The following DGKH variants were observed in gnomAD, a reference collection of about 807,000 sequenced individuals.
DGKH encodes diacylglycerol kinase eta.
Under a neutral mutation model 159.3 loss-of-function variants are expected in DGKH, and 90 were observed. That is an observed-to-expected ratio of 0.57 (90% CI 0.48 to 0.67). The LOEUF is 0.67. DGKH is among the 30% of genes least tolerant of loss of function. The pLI is 0.00. For missense variants in DGKH, 1,181 were observed against 1,506.1 expected, an observed-to-expected ratio of 0.78 and a Z score of 3.57; for synonymous variants, 536 against 553.8, an observed-to-expected ratio of 0.97 and a Z score of 0.45.
At chr13:42,107,740 G>T (rs372265332) in intron 1 of DGKH, among the ~76,000 whole-genome samples, 1 of 151,988 alleles carries the variant, frequency 6.6e-6, no homozygotes, top group Non-Finnish European at 1.5e-5. Context: ...AGGACAGATC[G>T]TAGACAGGCA....
intron 7 of DGKH, among the ~76,000 whole-genome samples, chr13:42,164,959 C>CA (rs1956276194): frequency 6.6e-6 from 1 of 152,086 alleles, no homozygotes; most frequent in Non-Finnish European, 1.5e-5. Context: ...ATTTTATGGG[C>CA]AATGATATTG....
downstream of DGKH, among the ~76,000 whole-genome samples, chr13:42,244,900 T>G (rs1409120601): frequency 6.0e-5 from 3 of 49,762 alleles, no homozygotes; most frequent in Non-Finnish European, 9.5e-5. Context: ...CGAGACTCCG[T>G]CTCAAAAAAA....
At position 42,048,772 on chromosome 13, in the gene DGKH, G is replaced by C. The variant is rs958117078; in HGVS notation, c.-2G>C. ...GCTGTGTCCCCGCAGGAGTCGGAGA[G>C]GATGGCAGGGGCCGGAGGCCAGCAC... is the stretch of plus-strand genomic sequence containing the variant. On this transcript the variant is annotated 5_prime_UTR_variant, in exon 1 of 30. Transcript: ENST00000337343. This position sits in a 1 kb window ranked among gnomAD's most constrained non-coding sequence, Gnocchi z 6.7. The C allele has an allele frequency of 1.5e-5, 20 of 1,294,446 alleles. No homozygotes were observed. In the African/African-American group the frequency reaches 3.0e-4, roughly 19 times the overall value. 80.2% of individuals were successfully genotyped at this position (1,294,446 alleles called of 1,614,324 possible).
At chr13:42,134,244 A>G (rs188302152) in intron 3 of DGKH, among the ~76,000 whole-genome samples, 7 of 152,174 alleles carry the variant, frequency 4.6e-5, no homozygotes, top group Admixed American at 6.5e-5. Context: ...TTGGTATTCA[A>G]TTGGTATGAA....
chr13:42,059,410 C>G (rs879663799), intron 1 of DGKH, among the ~76,000 whole-genome samples: 3 of 151,876 alleles, frequency 2.0e-5, no homozygotes, highest in Non-Finnish European at 4.4e-5. Context: ...CCACTGTGTC[C>G]TGCTAATTAT....
At chr13:42,100,937 T>C (rs1954640459) in intron 1 of DGKH, among the ~76,000 whole-genome samples, 1 of 152,244 alleles carries the variant, frequency 6.6e-6, no homozygotes, top group Non-Finnish European at 1.5e-5. Flanking sequence ...CACAAAATGC[T>C]CTGTGGCCTT....
At chr13:42,217,988 T>C (rs1957847685) in intron 26 of DGKH, among the ~76,000 whole-genome samples, 1 of 152,156 alleles carries the variant, frequency 6.6e-6, no homozygotes, top group South Asian at 2.1e-4. Context: ...GAGCTGAGAT[T>C]GCGCCATTGC....
At chr13:42,160,373 C>G (rs1015236718) in intron 7 of DGKH, among the ~76,000 whole-genome samples, 1 of 152,156 alleles carries the variant, frequency 6.6e-6, no homozygotes, top group Non-Finnish European at 1.5e-5. Context: ...GGATCTCTTA[C>G]CCATAGTTGT....
At chr13:42,041,538 A>G (rs1880506882) in intron 1 of DGKH, among the ~76,000 whole-genome samples, 1 of 152,206 alleles carries the variant, frequency 6.6e-6, no homozygotes, top group East Asian at 1.9e-4. Flanking sequence ...TTTAGGAACC[A>G]AGAGTAGTGT....
chr13:42,152,878 G>A (rs887794552), intron 3 of DGKH, among the ~76,000 whole-genome samples: 1 of 152,162 alleles, frequency 6.6e-6, no homozygotes, highest in Non-Finnish European at 1.5e-5. Flanking sequence ...GGGAGCACAT[G>A]GGCCAGCAGG....
intron 13 of DGKH, among the ~76,000 whole-genome samples, chr13:42,182,169 G>A (rs1212331778): frequency 6.6e-6 from 1 of 152,266 alleles, no homozygotes; most frequent in Non-Finnish European, 1.5e-5. Flanking sequence ...GGCCATGCTG[G>A]AGGTGCAGCT....
chr13:42,087,107 AAT>A lies in DGKH; in HGVS notation c.192+38143_192+38144del, dbSNP rs1566093861. ...CACCTCAGAACAGAGTAGGCACAAC[AAT>A]CCTTGAAGCTCATACAGAACTAGGA... is the stretch of plus-strand genomic sequence containing the variant. On this transcript the variant is annotated intron_variant, in intron 1 of 29. Transcript: ENST00000337343. Among the ~76,000 whole-genome samples the A allele has an allele frequency of 4.3e-3, 609 of 141,758 alleles. 5 individuals are homozygous for A. The highest frequency in any genetic ancestry group is 0.015 in the African/African-American group (589 of 38,280). 93.0% of individuals were successfully genotyped at this position (141,758 alleles called of 152,430 possible). A position where few individuals can be genotyped will look rare whatever the true frequency, so the allele number is the denominator to read the frequency against.
At chr13:42,040,250 G>A (rs1204712861) in intron 1 of DGKH, 1 of 152,258 alleles carries the variant, frequency 6.6e-6, no homozygotes, top group East Asian at 1.9e-4. Context: ...GCGAGAGCGA[G>A]AGACAGGGGC....
chr13:42,228,730 AAG>A (rs1463712774), intron 29 of DGKH, among the ~76,000 whole-genome samples: 4 of 151,886 alleles, frequency 2.6e-5, no homozygotes, highest in Admixed American at 6.6e-5. Flanking sequence ...AAAAGAAAGA[AAG>A]AGAAAGAAAG....
At position 42,235,779 on chromosome 13, in the gene DGKH, C is replaced by T. The variant is rs1279630424; in HGVS notation, c.*6591C>T. ...TAAATTCAAGTAATATATTTATCTA[C>T]AGCTGGGAAAATATAATTATTTTCA... On this transcript the variant is annotated 3_prime_UTR_variant, in exon 30 of 30. Coordinates refer to ENST00000337343, the MANE Select transcript of DGKH (RefSeq NM_178009.5). The T allele has an allele frequency of 2.0e-5, 3 of 152,092 alleles. No individual in the cohort carries two copies. The highest frequency in any genetic ancestry group is 1.9e-4 in the East Asian group (1 of 5,198). The allele number at this position is 152,092 out of a possible 1,614,324, so 9.4% of individuals were successfully genotyped here. A position where few individuals can be genotyped will look rare whatever the true frequency, so the allele number is the denominator to read the frequency against.
Position 42,206,131 on chromosome 13 carries a change from A to G in DGKH, c.2586A>G (p.Gly862=). The change falls in exon 21 of 30, where the codon GGA becomes GGG. Residue 862 remains glycine, a synonymous_variant. Transcript: ENST00000337343. ...CTGGAGGCACTAACTTTTGGGGTGG[A>G]ACTAAAGAGGATGATGTAAGTAATG... ...SYAGGTNFWG[G]TKEDDIFAAP... The G allele has an allele frequency of 7.0e-7, 1 of 1,433,730 alleles. No individual in the cohort carries two copies. Among genetic ancestry groups the G allele is most frequent in the Non-Finnish European group, 9.2e-7 (1 of 1,085,400 alleles). 88.8% of individuals were successfully genotyped at this position (1,433,730 alleles called of 1,614,324 possible).
Position 42,063,677 on chromosome 13 carries a change from C to T in DGKH, c.192+14712C>T, listed in dbSNP as rs187145861. 5.6e-3 allele frequency among the ~76,000 whole-genome samples: 846 copies of T among 152,162 alleles called. 5 individuals are homozygous for T. Among genetic ancestry groups the T allele is most frequent in the Admixed American group, 0.012 (190 of 15,282 alleles). The stretch of plus-strand genomic sequence containing the variant: ...TGGGCTGGCCGGATGTGGTGGCTCA[C>T]GCCTGTCATCCCAGCGCTTTGGGAA... On this transcript the variant is annotated intron_variant, in intron 1 of 29. Transcript: ENST00000337343.
intron 1 of DGKH, among the ~76,000 whole-genome samples, chr13:42,106,527 A>G (rs1309858528): frequency 6.6e-6 from 1 of 152,182 alleles, no homozygotes; most frequent in African/African-American, 2.4e-5. Context: ...TCATCCCAAC[A>G]ATGAAAAAAG....
chr13:42,070,653 A>T, intron 1 of DGKH: 5 of 1,612,316 alleles, frequency 3.1e-6, no homozygotes, highest in Non-Finnish European at 4.2e-6. Context: ...TGTGCAGTAC[A>T]TTTGCAGAGT....
Sources: gnomAD v4.1 joint callset for allele counts (sites outside exome capture counted in the v4.1 genomes callset) on GRCh38, gnomAD v4.1.1 for gene constraint, Gnocchi (gnomAD v3.1) non-coding constraint, MANE v1.5 for transcripts, NCBI Gene and HGNC (gene_info 2026-07-23, HGNC 2026-07-21) for gene names.